ARHGEF38: variants seen among roughly 807,000 people sequenced by gnomAD.
The protein encoded by ARHGEF38 is Rho guanine nucleotide exchange factor 38.
ARHGEF38 carries 79 observed loss-of-function variants against 79.9 expected under a neutral mutation model. The ratio of observed to expected loss-of-function variants is 0.99; its 90% confidence interval spans 0.82 to 1.19. ARHGEF38 has a LOEUF of 1.19. Among genes scored for constraint, ARHGEF38 ranks in the 50% most tolerant of loss-of-function variants. The pLI is 0.00. For missense variants in ARHGEF38, 962 were observed against 907.2 expected (o/e 1.06, Z -0.78); for synonymous variants, 366 against 328.3 (o/e 1.11, Z -1.24).
chr4:105,573,888 C>A (rs1323747950), intron 1 of ARHGEF38, among the ~76,000 whole-genome samples: 1 of 151,972 alleles, frequency 6.6e-6, no homozygotes, highest in Non-Finnish European at 1.5e-5. Flanking sequence ...TCTTTAATTT[C>A]TTTAATAATA....
At position 105,561,245 on chromosome 4, in the gene ARHGEF38, A is replaced by G. The variant is rs146967038; in HGVS notation, c.196+8284A>G. Among the ~76,000 whole-genome samples, 554 of 151,798 alleles carry G rather than the reference A, an allele frequency of 3.6e-3. 9 individuals carry two copies. Among genetic ancestry groups the G allele is most frequent in the African/African-American group, 0.012 (514 of 41,354 alleles). On this transcript the variant is annotated intron_variant, in intron 1 of 13. Coordinates refer to ENST00000420470, the MANE Select transcript of ARHGEF38 (RefSeq NM_001242729.2). ...TCTACTAAGAAAACAAAACAAAACAAAACAAAAAATTAGCTGGTTGGTGGT... is the reference window on the plus strand; with the variant it reads ...TCTACTAAGAAAACAAAACAAAACAGAACAAAAAATTAGCTGGTTGGTGGT...
chr4:105,597,594 C>T (rs892780101), intron 2 of ARHGEF38, among the ~76,000 whole-genome samples: 1 of 152,190 alleles, frequency 6.6e-6, no homozygotes, highest in Admixed American at 6.5e-5. Context: ...GTTGGCTACT[C>T]TCTAAAACTC....
At chr4:105,638,637 G>T (rs190026906) in intron 5 of ARHGEF38, among the ~76,000 whole-genome samples, 131 of 152,198 alleles carry the variant, frequency 8.6e-4, no homozygotes, top group African/African-American at 2.8e-3. Context: ...TTGTAGCATT[G>T]CAGTGAGTCC....
intron 10 of ARHGEF38, among the ~76,000 whole-genome samples, chr4:105,660,705 G>T (rs1473614749): frequency 6.6e-6 from 1 of 152,164 alleles, no homozygotes; most frequent in African/African-American, 2.4e-5. Context: ...CTTCCAAAGT[G>T]CTGGGATTAT....
Position 105,625,117 on chromosome 4 carries a change from A to G in ARHGEF38, c.509-5781A>G, listed in dbSNP as rs866117987. On this transcript the variant is annotated intron_variant, in intron 3 of 13. Transcript: ENST00000420470. ...TTTAACTAAAATTATTTTTGTAAAC[A>G]TTATCTTAGTTGGTTTTTAGAATTG... 2.4e-4 allele frequency among the ~76,000 whole-genome samples: 37 copies of G among 152,330 alleles called. 1 individual carries two copies. In the Middle Eastern group the frequency reaches 0.02, roughly 84 times the overall value.
intron 2 of ARHGEF38, among the ~76,000 whole-genome samples, chr4:105,595,817 A>C (rs1373344001): frequency 6.6e-6 from 1 of 150,404 alleles, no homozygotes; most frequent in African/African-American, 2.5e-5. Flanking sequence ...TTAGGGAATA[A>C]TGATAAGAAA....
chr4:105,612,342 T>C (rs1728329576), intron 2 of ARHGEF38, among the ~76,000 whole-genome samples: 2 of 152,176 alleles, frequency 1.3e-5, no homozygotes, highest in African/African-American at 2.4e-5. Context: ...TTGGATTCTC[T>C]GTCTCTTTCA....
chr4:105,604,439 C>T (rs948297231), intron 2 of ARHGEF38, among the ~76,000 whole-genome samples: 6 of 152,160 alleles, frequency 3.9e-5, no homozygotes, highest in African/African-American at 1.2e-4. Flanking sequence ...TCTGTTTCAG[C>T]CTTCTTTTTT....
intron 2 of ARHGEF38, among the ~76,000 whole-genome samples, chr4:105,611,771 T>C (rs1728305139): frequency 6.6e-6 from 1 of 152,058 alleles, no homozygotes; most frequent in South Asian, 2.1e-4. Context: ...GAACTAATAG[T>C]GGTTACAATG....
chr4:105,661,846 A>G (rs1730576829), intron 10 of ARHGEF38, among the ~76,000 whole-genome samples: 1 of 152,144 alleles, frequency 6.6e-6, no homozygotes, highest in African/African-American at 2.4e-5. Flanking sequence ...ATCATACAAT[A>G]TGTATTCTTT....
At chr4:105,556,274 T>C (rs1457255546) in intron 1 of ARHGEF38, among the ~76,000 whole-genome samples, 2 of 152,162 alleles carry the variant, frequency 1.3e-5, no homozygotes, top group African/African-American at 4.8e-5. Context: ...AAAAACAGAA[T>C]ATGTGCCAGG....
At position 105,573,103 on chromosome 4, in the gene ARHGEF38, A is replaced by G. The variant is rs528893491; in HGVS notation, c.197-16145A>G. Among the ~76,000 whole-genome samples the G allele has an allele frequency of 3.3e-4, 50 of 152,120 alleles. 1 individual carries two copies. In the South Asian group the frequency reaches 9.8e-3, roughly 30 times the overall value. On this transcript the variant is annotated intron_variant, in intron 1 of 13. Transcript: ENST00000420470. Reference sequence around the variant, plus strand: ...TCAGGTTGTTTATTTTGTTGTTGTTATTGTTGAGTTTTGGAGCTCTTTCTA... The same window carrying G: ...TCAGGTTGTTTATTTTGTTGTTGTTGTTGTTGAGTTTTGGAGCTCTTTCTA...
rs191265014 is a variant in ARHGEF38 at position 105,666,066 on chromosome 4, C to A, written c.1546-111C>A. 4.9e-4 allele frequency: 454 copies of A among 918,496 alleles called. 2 individuals are homozygous for A. The African/African-American group carries it at 7.2e-3, about 15-fold the overall frequency. 56.9% of individuals were successfully genotyped at this position (918,496 alleles called of 1,614,324 possible). On this transcript the variant is annotated intron_variant, in intron 10 of 13. Coordinates refer to ENST00000420470, the MANE Select transcript of ARHGEF38 (RefSeq NM_001242729.2). ...GTTCTAAAGTTGCCCTAACTTTTCA[C>A]AATGGAGCTACCATATACCTCCTCA...
Position 105,631,064 on chromosome 4 carries a change from A to C in ARHGEF38, c.656+19A>C. 2 of 1,598,802 alleles carry C rather than the reference A, an allele frequency of 1.3e-6. No individual in the cohort carries two copies. Among genetic ancestry groups the C allele is most frequent in the Non-Finnish European group, 8.5e-7 (1 of 1,174,992 alleles). On this transcript the variant is annotated intron_variant, in intron 4 of 13. Transcript: ENST00000420470. ...CCTTAAAGTAAGGCCTTTTCAAATG[A>C]TGATTCCCATCTCCTCTCAGTTGCC...
chr4:105,568,413 A>G (rs1368900760), intron 1 of ARHGEF38, among the ~76,000 whole-genome samples: 1 of 151,820 alleles, frequency 6.6e-6, no homozygotes, highest in African/African-American at 2.4e-5. Flanking sequence ...TAGTTCAACC[A>G]TTGTGGAAGT....
chr4:105,564,887 G>A (rs1462136277), intron 1 of ARHGEF38, among the ~76,000 whole-genome samples: 1 of 152,154 alleles, frequency 6.6e-6, no homozygotes, highest in African/African-American at 2.4e-5. Context: ...TCTGCCCAAG[G>A]TGGTCAGCCA....
intron 4 of ARHGEF38, among the ~76,000 whole-genome samples, chr4:105,636,087 G>T (rs1036105743): frequency 1.1e-4 from 16 of 151,902 alleles, no homozygotes; most frequent in Admixed American, 9.9e-4. Flanking sequence ...TTATGGAATG[G>T]ATCTTAAAAT....
chr4:105,640,307 A>G (rs959830518), intron 5 of ARHGEF38, among the ~76,000 whole-genome samples: 4 of 152,104 alleles, frequency 2.6e-5, no homozygotes, highest in Admixed American at 2.0e-4. Flanking sequence ...ATGAATTAAC[A>G]ATTGTTGATT....
At position 105,626,659 on chromosome 4, in the gene ARHGEF38, A is replaced by G. The variant is rs568513614; in HGVS notation, c.509-4239A>G. ...ACTTTCAGTTTGTTTATCTTCTTCA[A>G]TCTCACCAACTCCTCCCCGAAATTC... On this transcript the variant is annotated intron_variant, in intron 3 of 13. Transcript: ENST00000420470. Among the ~76,000 whole-genome samples the G allele has an allele frequency of 4.6e-5, 7 of 152,168 alleles. No individual in the cohort carries two copies. In the East Asian group the frequency reaches 1.2e-3, roughly 25 times the overall value.
Sources: allele counts gnomAD v4.1 joint callset (sites outside exome capture counted in the v4.1 genomes callset), GRCh38; gene constraint gnomAD v4.1.1; transcripts MANE v1.5; gene names NCBI Gene and HGNC (gene_info 2026-07-23, HGNC 2026-07-21).